DSCAM: variants seen among roughly 807,000 people sequenced by gnomAD.
DSCAM encodes cell adhesion molecule DSCAM.
In DSCAM, 47 loss-of-function variants were observed where a neutral mutation model predicts 217.7. That is an observed-to-expected ratio of 0.22 (90% CI 0.17 to 0.28). DSCAM has a LOEUF of 0.28. DSCAM is among the 10% of genes least tolerant of loss of function. The pLI, the probability that DSCAM is intolerant of heterozygous loss-of-function variation, is 1.00. For missense variants in DSCAM, 2,080 were observed against 2,618.3 expected (o/e 0.79, Z 4.49); for synonymous variants, 1,056 against 1,015.3 (o/e 1.04, Z -0.76).
intron 3 of DSCAM, among the ~76,000 whole-genome samples, chr21:40,425,731 A>G (rs1192946370): frequency 6.6e-6 from 1 of 151,706 alleles, no homozygotes; most frequent in Non-Finnish European, 1.5e-5. Flanking sequence ...ACAAAAATAC[A>G]GCTTTTTTTC....
chr21:40,662,787 C>T (rs2090152293), intron 3 of DSCAM, among the ~76,000 whole-genome samples: 1 of 152,122 alleles, frequency 6.6e-6, no homozygotes, highest in Non-Finnish European at 1.5e-5. Context: ...GGAAGAGGGC[C>T]CTCACCAGCA....
chr21:40,027,294 C>G (rs2088410518), intron 32 of DSCAM, among the ~76,000 whole-genome samples: 1 of 152,294 alleles, frequency 6.6e-6, no homozygotes, highest in Non-Finnish European at 1.5e-5. Context: ...ACCTTTCTCT[C>G]TGGCTGCCCT....
intron 1 of DSCAM, among the ~76,000 whole-genome samples, chr21:40,845,354 G>C (rs540748177): frequency 1.1e-4 from 16 of 151,984 alleles, no homozygotes; most frequent in African/African-American, 3.9e-4. Context: ...ATTTCTTCTG[G>C]CCTGTTGGTA....
intron 11 of DSCAM, among the ~76,000 whole-genome samples, chr21:40,233,108 T>C (rs542483980): frequency 1.4e-4 from 21 of 152,260 alleles, no homozygotes; most frequent in Non-Finnish European, 2.5e-4. Context: ...TGAAGTAATC[T>C]GTACACCAAA....
At chr21:40,500,509 C>T (rs2076162770) in intron 3 of DSCAM, among the ~76,000 whole-genome samples, 3 of 152,168 alleles carry the variant, frequency 2.0e-5, no homozygotes, top group Non-Finnish European at 1.5e-5. Flanking sequence ...CCAAATCTTA[C>T]TTTTCTTTTT....
At chr21:40,528,399 T>C (rs1022218027) in intron 3 of DSCAM, among the ~76,000 whole-genome samples, 4 of 152,222 alleles carry the variant, frequency 2.6e-5, no homozygotes, top group African/African-American at 9.6e-5. Flanking sequence ...TGTTATTTTG[T>C]TATACATTAT....
chr21:40,846,625 C>A lies in DSCAM; in HGVS notation c.37G>T (p.Ala13Ser), dbSNP rs1440913364. The change falls in exon 1 of 33, where the codon GCG (alanine) becomes TCG (serine). Residue 13 changes from alanine (A) to serine (S), a missense_variant. Physicochemically the swap from Ala to Ser is moderately conservative, Grantham distance 99. Around this residue, in one of 5 missense-constraint regions of DSCAM, gnomAD observed 568 missense variants for 678.1 expected, o/e 0.84. Transcript: ENST00000400454. ...ILALSLFQSF[A>S]NVFSEDLHSS... ...CACAAACCGAAAGGCTCACCATTCGCGAAGCTCTGGAACAAGGAGAGAGCC... is the reference window on the plus strand; with the variant it reads ...CACAAACCGAAAGGCTCACCATTCGAGAAGCTCTGGAACAAGGAGAGAGCC... The A allele has an allele frequency of 1.5e-6, 2 of 1,348,460 alleles. No homozygotes were observed. Among genetic ancestry groups the A allele is most frequent in the Non-Finnish European group, 1.9e-6 (2 of 1,044,372 alleles). 83.5% of individuals were successfully genotyped at this position (1,348,460 alleles called of 1,614,324 possible).
intron 11 of DSCAM, among the ~76,000 whole-genome samples, chr21:40,216,497 T>C (rs866387316): frequency 2.6e-5 from 4 of 152,294 alleles, no homozygotes; most frequent in Middle Eastern, 6.8e-3. Flanking sequence ...GCAAAGTCCG[T>C]CTATTTTAGA....
Position 40,476,468 on chromosome 21 carries a change from CATA to C in DSCAM, c.509-107226_509-107224del, listed in dbSNP as rs2075936968. On this transcript the variant is annotated intron_variant, in intron 3 of 32. Transcript: ENST00000400454. ...GTCTGGCACATAGTGATCAATTTAT[CATA>C]ATAATATTGATGATGATAGTGACAA... Among the ~76,000 whole-genome samples the C allele has an allele frequency of 2.6e-5, 4 of 152,160 alleles. No homozygotes were observed. The South Asian group carries it at 8.3e-4, about 31-fold the overall frequency.
intron 3 of DSCAM, among the ~76,000 whole-genome samples, chr21:40,430,685 T>C (rs897087811): frequency 2.0e-5 from 3 of 152,224 alleles, no homozygotes; most frequent in African/African-American, 7.2e-5. Context: ...AATACAACAG[T>C]GAAGAGTGGT....
In DSCAM at chr21:40,144,774, AG is replaced by A. The variant is rs1374598453; in HGVS notation, c.3019-44del. On this transcript the variant is annotated intron_variant, in intron 16 of 32. Transcript: ENST00000400454. This position sits in a 1 kb window ranked among gnomAD's most constrained non-coding sequence, Gnocchi z 4.8. ...GAACACACTAAAGAAGTCTTGAGGTAGGACAAGAGCGAAATCAACGCCCACA... is the reference window on the plus strand; with the variant it reads ...GAACACACTAAAGAAGTCTTGAGGTAGACAAGAGCGAAATCAACGCCCACA... The A allele has an allele frequency of 1.2e-6, 2 of 1,609,782 alleles. No homozygotes were observed. Among genetic ancestry groups the A allele is most frequent in the African/African-American group, 2.7e-5 (2 of 74,784 alleles).
chr21:40,058,412 A>G (rs1463946919), intron 28 of DSCAM, among the ~76,000 whole-genome samples: 1 of 152,016 alleles, frequency 6.6e-6, no homozygotes, highest in Non-Finnish European at 1.5e-5. Context: ...TACTTAGTTG[A>G]TTTATCTTAT....
intron 30 of DSCAM, among the ~76,000 whole-genome samples, chr21:40,044,852 C>G (rs1392213342): frequency 6.6e-6 from 1 of 152,194 alleles, no homozygotes; most frequent in Non-Finnish European, 1.5e-5. Context: ...AACATGACCT[C>G]CTTTCTACAT....
intron 30 of DSCAM, 124 bp downstream of exon 30, chr21:40,051,834 A>G: frequency 7.9e-7 from 1 of 1,265,676 alleles, no homozygotes; most frequent in Non-Finnish European, 1.1e-6. Flanking sequence ...GGATGTTATT[A>G]TACCCATTTG....
chr21:40,518,824 T>C (rs1377888054), intron 3 of DSCAM, among the ~76,000 whole-genome samples: 3 of 151,612 alleles, frequency 2.0e-5, no homozygotes, highest in African/African-American at 4.9e-5. Flanking sequence ...AGTATGTCAT[T>C]AGGCAATTTC....
chr21:40,299,347 C>T (rs921224476), intron 9 of DSCAM, among the ~76,000 whole-genome samples: 1 of 152,100 alleles, frequency 6.6e-6, no homozygotes, highest in Non-Finnish European at 1.5e-5. Flanking sequence ...GATTTATTAT[C>T]GTGTACCAGT....
chr21:40,786,968 A>G (rs1367907087), intron 1 of DSCAM, among the ~76,000 whole-genome samples: 1 of 152,222 alleles, frequency 6.6e-6, no homozygotes, highest in Admixed American at 6.5e-5. Context: ...AAACTTGCCA[A>G]CTGGGAACCC....
chr21:40,033,328 C>T (rs1290458396), intron 32 of DSCAM, among the ~76,000 whole-genome samples: 17 of 152,168 alleles, frequency 1.1e-4, no homozygotes, highest in African/African-American at 2.9e-4. Context: ...ACACCATGCG[C>T]GAGCCGAAGC....
At chr21:40,714,201 A>C (rs2090815111) in intron 1 of DSCAM, among the ~76,000 whole-genome samples, 1 of 152,174 alleles carries the variant, frequency 6.6e-6, no homozygotes, top group Non-Finnish European at 1.5e-5. Context: ...GCTGAGACGA[A>C]TTAATGGGCC....
Sources: allele counts gnomAD v4.1 joint callset (sites outside exome capture counted in the v4.1 genomes callset), GRCh38; gene constraint gnomAD v4.1.1; regional missense constraint gnomAD v4.1.1; non-coding constraint Gnocchi (gnomAD v3.1); transcripts MANE v1.5; gene names NCBI Gene and HGNC (gene_info 2026-07-23, HGNC 2026-07-21).